Variants in DEAF1 observed in about 807,000 individuals in gnomAD.
The protein encoded by DEAF1 is deformed epidermal autoregulatory factor 1 homolog.
A neutral mutation model predicts 58.9 loss-of-function variants in DEAF1; 53 were observed. The ratio of observed to expected loss-of-function variants is 0.90; its 90% confidence interval spans 0.72 to 1.13. The LOEUF (loss-of-function observed/expected upper bound fraction) is 1.13, where lower values mean the gene tolerates loss of function less well. Ranked by LOEUF, DEAF1 falls within the 50% of genes most tolerant of loss-of-function variation. The probability of loss-of-function intolerance (pLI) is 0.00; values close to 1 mark genes in which losing one functional copy is unlikely to be tolerated. For missense variants in DEAF1, 685 were observed against 791.4 expected, an observed-to-expected ratio of 0.87 and a Z score of 1.61; for synonymous variants, 385 against 340.4, an observed-to-expected ratio of 1.13 and a Z score of -1.44.
chr11:671,971 T>A (rs571554921), intron 10 of DEAF1, among the ~76,000 whole-genome samples: 3 of 152,116 alleles, frequency 2.0e-5, no homozygotes, highest in Non-Finnish European at 4.4e-5. Flanking sequence ...CCATCTGCCA[T>A]GATGGTGAGA....
At chr11:686,005 G>A (rs924002636) in intron 5 of DEAF1, among the ~76,000 whole-genome samples, 1 of 143,604 alleles carries the variant, frequency 7.0e-6, no homozygotes, top group African/African-American at 2.6e-5. Context: ...AAAATAGGCC[G>A]GGTATTGTGG....
At chr11:700,288 AGGC>A in intron 1 of DEAF1, 1 of 1,516,442 alleles carries the variant, frequency 6.6e-7, no homozygotes, top group Non-Finnish European at 9.1e-7. Flanking sequence ...ACATTTTGGG[AGGC>A]TGAGGTGGGC....
intron 1 of DEAF1, 97 bp downstream of exon 1, chr11:694,662 T>C: frequency 8.8e-7 from 1 of 1,135,624 alleles, no homozygotes; most frequent in Non-Finnish European, 1.1e-6. Context: ...GAGGGACAGG[T>C]GTGGCGGGCT....
chr11:701,433 CAG>C (rs1433062876), intron 1 of DEAF1, among the ~76,000 whole-genome samples: 49 of 102,528 alleles, frequency 4.8e-4, no homozygotes, highest in Non-Finnish European at 7.6e-4. Context: ...TTTTTTGAGA[CAG>C]AGTCTCGCTC....
chr11:678,451 C>T (rs1354895631), intron 9 of DEAF1: 6 of 467,458 alleles, frequency 1.3e-5, no homozygotes, highest in African/African-American at 2.0e-5. Context: ...TTTCTAGGGG[C>T]GTGCCCTGCT....
chr11:655,834 A>C (rs1411116179), intron 10 of DEAF1, among the ~76,000 whole-genome samples: 1 of 57,432 alleles, frequency 1.7e-5, no homozygotes, highest in Non-Finnish European at 5.2e-5. Context: ...TTTATTTATT[A>C]TTATTATTAT....
At chr11:691,804 G>A (rs1232034819) in intron 1 of DEAF1, among the ~76,000 whole-genome samples, 1 of 152,112 alleles carries the variant, frequency 6.6e-6, no homozygotes, top group East Asian at 1.9e-4. Flanking sequence ...AAAAAGAGAG[G>A]AAATCTATTC....
intron 8 of DEAF1, among the ~76,000 whole-genome samples, chr11:679,363 C>T (rs1191096002): frequency 6.6e-6 from 1 of 152,002 alleles, no homozygotes; most frequent in African/African-American, 2.4e-5. Context: ...AGTGTGGCTT[C>T]TAGAATATTC....
chr11:687,598 TCCTG>T (rs981331806), intron 4 of DEAF1, among the ~76,000 whole-genome samples: 1 of 152,228 alleles, frequency 6.6e-6, no homozygotes, highest in Admixed American at 6.5e-5. Context: ...CACGCCATTC[TCCTG>T]CCTCAGCCTC....
In DEAF1 at chr11:644,701, A is replaced by C; in HGVS notation, c.1594-47T>G. 1 of 1,498,244 alleles carries C rather than the reference A, an allele frequency of 6.7e-7. No homozygotes were observed. Among genetic ancestry groups the C allele is most frequent in the Non-Finnish European group, 9.1e-7 (1 of 1,099,030 alleles). 92.8% of individuals were successfully genotyped at this position (1,498,244 alleles called of 1,614,324 possible). A position where few individuals can be genotyped will look rare whatever the true frequency, so the allele number is the denominator to read the frequency against. ...TGTCAGCAGGGTCAGTGGGTGGAGC[A>C]GGGTCTGGGCAGGGTCCCCAAGGCA... On this transcript the variant is annotated intron_variant, in intron 11 of 11. Coordinates refer to ENST00000382409, the MANE Select transcript of DEAF1 (RefSeq NM_021008.4). This position sits in a 1 kb window ranked among gnomAD's most constrained non-coding sequence, Gnocchi z 4.3.
chr11:662,896 C>T (rs1043849193), intron 10 of DEAF1, among the ~76,000 whole-genome samples: 1 of 152,200 alleles, frequency 6.6e-6, no homozygotes, highest in Non-Finnish European at 1.5e-5. Flanking sequence ...GGCAGCAGCA[C>T]CATGAATATC....
chr11:701,932 C>G (rs1209272371), intron 1 of DEAF1, among the ~76,000 whole-genome samples: 1 of 152,224 alleles, frequency 6.6e-6, no homozygotes, highest in African/African-American at 2.4e-5. Flanking sequence ...TGCAGACTTC[C>G]AGCCCTCTGC....
At chr11:664,003 GGGA>G (rs1859426505) in intron 10 of DEAF1, among the ~76,000 whole-genome samples, 2 of 152,208 alleles carry the variant, frequency 1.3e-5, no homozygotes, top group East Asian at 3.9e-4. Flanking sequence ...ACGTGAGGCT[GGGA>G]GTTCAAGACC....
chr11:703,834 G>A, intron 1 of DEAF1: 1 of 1,234,948 alleles, frequency 8.1e-7, no homozygotes, highest in Non-Finnish European at 1.0e-6. Context: ...TAAGGCCGGG[G>A]ATGAGACTGC....
chr11:680,012 G>A lies in DEAF1; in HGVS notation c.998-196C>T, dbSNP rs28674808. ...GACCTCACAGGAGAAAACCAGGATG[G>A]CCAGGATGGCAACTTGCCACTACCA... On this transcript the variant is annotated intron_variant, in intron 7 of 11. Transcript: ENST00000382409. 9.5e-4 allele frequency: 267 copies of A among 282,102 alleles called. 2 individuals are homozygous for A. Among genetic ancestry groups the A allele is most frequent in the South Asian group, 5.8e-3 (122 of 21,024 alleles). The allele number at this position is 282,102 out of a possible 1,614,324, so 17.5% of individuals were successfully genotyped here. A position where few individuals can be genotyped will look rare whatever the true frequency, so the allele number is the denominator to read the frequency against.
chr11:682,054 C>G (rs11607049), intron 6 of DEAF1, among the ~76,000 whole-genome samples: 1 of 152,206 alleles, frequency 6.6e-6, no homozygotes, highest in African/African-American at 2.4e-5. Context: ...TACTCAGGTA[C>G]GGAGCTGGAC....
upstream of DEAF1, among the ~76,000 whole-genome samples, chr11:696,209 C>T (rs934354743): frequency 1.3e-5 from 2 of 152,152 alleles, no homozygotes; most frequent in Admixed American, 1.3e-4. Context: ...AAGAAAATCG[C>T]GGGCGCCGGT....
chr11:666,689 G>T (rs1234915610), intron 10 of DEAF1, among the ~76,000 whole-genome samples: 1 of 152,008 alleles, frequency 6.6e-6, no homozygotes, highest in African/African-American at 2.4e-5. Context: ...CTGGGCGACA[G>T]AGCAAGACTC....
chr11:671,049 C>T (rs1859802012), intron 10 of DEAF1, among the ~76,000 whole-genome samples: 1 of 151,306 alleles, frequency 6.6e-6, no homozygotes, highest in African/African-American at 2.4e-5. Flanking sequence ...CTGCCTCAGC[C>T]TCCCAAGGAG....
Sources: gnomAD v4.1 joint callset for allele counts (sites outside exome capture counted in the v4.1 genomes callset) on GRCh38, gnomAD v4.1.1 for gene constraint, Gnocchi (gnomAD v3.1) non-coding constraint, MANE v1.5 for transcripts, NCBI Gene and HGNC (gene_info 2026-07-23, HGNC 2026-07-21) for gene names.